The following STAB2 variants were observed in gnomAD, a reference collection of about 807,000 sequenced individuals.
The protein encoded by STAB2 is stabilin 2.
STAB2 carries 288 observed loss-of-function variants against 338.1 expected under a neutral mutation model. The ratio of observed to expected loss-of-function variants is 0.85; its 90% confidence interval spans 0.77 to 0.94. STAB2 has a LOEUF of 0.94. Ranked by LOEUF, STAB2 falls within the 40% of genes least tolerant of loss-of-function variation. The pLI, the probability that STAB2 is intolerant of heterozygous loss-of-function variation, is 0.00. For synonymous variants in STAB2, 1,202 were observed against 1,193.3 expected, an observed-to-expected ratio of 1.01 and a Z score of -0.15; for missense variants, 3,141 against 3,210.1, an observed-to-expected ratio of 0.98 and a Z score of 0.52.
rs762712746 is a variant in STAB2, at chr12:103,706,996, C to T, written c.4192+9C>T. The T allele has an allele frequency of 2.5e-5, 41 of 1,613,488 alleles. No individual in the cohort carries two copies. Among genetic ancestry groups the T allele is most frequent in the Admixed American group, 6.7e-5 (4 of 59,984 alleles). On this transcript the variant is annotated intron_variant, in intron 38 of 68. Transcript: ENST00000388887. The stretch of plus-strand genomic sequence containing the variant: ...CATCCACTGTGACCAAGGTGAGCAC[C>T]GTCCTCTCCACAGAGGATCTTGGGC...
At chr12:103,667,454 G>A (rs1015306808) in intron 19 of STAB2, among the ~76,000 whole-genome samples, 2 of 152,192 alleles carry the variant, frequency 1.3e-5, no homozygotes, top group Non-Finnish European at 2.9e-5. Flanking sequence ...CCTTGTACAA[G>A]GTCACACAGC....
chr12:103,692,587 C>T (rs1566019988), intron 30 of STAB2, among the ~76,000 whole-genome samples: 1 of 150,940 alleles, frequency 6.6e-6, no homozygotes, highest in African/African-American at 2.4e-5. Context: ...CTCTCTCTCT[C>T]TCTCTGTCTC....
chr12:103,645,762 C>G (rs1312827574), intron 9 of STAB2, among the ~76,000 whole-genome samples: 1 of 152,126 alleles, frequency 6.6e-6, no homozygotes, highest in African/African-American at 2.4e-5. Flanking sequence ...TCAGCCTCAG[C>G]TCTACTGACA....
rs143131786 is a variant in STAB2, at chr12:103,763,608, G to A, written c.7605G>A (p.Thr2535=). The A allele has an allele frequency of 9.5e-5, 153 of 1,613,134 alleles. 1 individual carries two copies. The highest frequency in any genetic ancestry group is 6.6e-4 in the Middle Eastern group (4 of 6,058). ...CAGAACCTTCCTACGACCCCTTCACGGTGAGTTTGCATTCTTATCTAGGAA... is the reference window on the plus strand; with the variant it reads ...CAGAACCTTCCTACGACCCCTTCACAGTGAGTTTGCATTCTTATCTAGGAA... ...APPEPSYDPF[T]DSEERQLEGN... is the part of the protein sequence containing the mutation. Residue 2535 remains threonine, a splice_region_variant and synonymous_variant, in exon 68 of 69, where the codon ACG becomes ACA. Coordinates refer to ENST00000388887, the MANE Select transcript of STAB2 (RefSeq NM_017564.10).
At chr12:103,607,270 C>A (rs550531087) in intron 3 of STAB2, among the ~76,000 whole-genome samples, 9 of 151,952 alleles carry the variant, frequency 5.9e-5, no homozygotes, top group Non-Finnish European at 1.0e-4. Flanking sequence ...TTTTCAGAGA[C>A]TCCAGTTATA....
At chr12:103,703,655 A>T (rs1229264018) in intron 35 of STAB2, among the ~76,000 whole-genome samples, 1 of 152,158 alleles carries the variant, frequency 6.6e-6, no homozygotes, top group Non-Finnish European at 1.5e-5. Flanking sequence ...TGGTGCCCCT[A>T]TGGCAGTTAT....
At chr12:103,758,689 A>G (rs1884313782) in intron 64 of STAB2, among the ~76,000 whole-genome samples, 1 of 152,210 alleles carries the variant, frequency 6.6e-6, no homozygotes, top group African/African-American at 2.4e-5. Flanking sequence ...TGGGGGGCAA[A>G]GGGCCAGGGG....
At chr12:103,744,188 G>A (rs1882811697) in intron 56 of STAB2, among the ~76,000 whole-genome samples, 1 of 152,006 alleles carries the variant, frequency 6.6e-6, no homozygotes, top group Non-Finnish European at 1.5e-5. Context: ...CTATCACCCA[G>A]GCTGAAATAC....
chr12:103,764,095 A>G (rs959831956), intron 68 of STAB2, among the ~76,000 whole-genome samples: 6 of 151,816 alleles, frequency 4.0e-5, no homozygotes, highest in African/African-American at 1.5e-4. Context: ...CTGGGATTAC[A>G]GGCGCATACC....
At chr12:103,687,625 A>G (rs1304742562) in intron 27 of STAB2, among the ~76,000 whole-genome samples, 1 of 152,148 alleles carries the variant, frequency 6.6e-6, no homozygotes, top group African/African-American at 2.4e-5. Flanking sequence ...TTTAAAAACA[A>G]CTCCTATTTC....
intron 14 of STAB2, 22 bp downstream of exon 14, chr12:103,655,329 C>G (rs755707072): frequency 6.2e-7 from 1 of 1,608,706 alleles, no homozygotes; most frequent in Admixed American, 1.7e-5. Flanking sequence ...TCATAATTTT[C>G]TGAAAAATAT....
intron 59 of STAB2, 90 bp downstream of exon 59, chr12:103,749,246 C>G (rs1883363790): frequency 7.5e-7 from 1 of 1,339,068 alleles, no homozygotes; most frequent in Non-Finnish European, 1.0e-6. Flanking sequence ...TGCTTATCTC[C>G]TGGACTCTTC....
At chr12:103,707,888 T>C (rs1879506238) in intron 38 of STAB2, among the ~76,000 whole-genome samples, 1 of 152,240 alleles carries the variant, frequency 6.6e-6, no homozygotes, top group Non-Finnish European at 1.5e-5. Flanking sequence ...TGCTTGCATT[T>C]GTGCATGAGT....
intron 52 of STAB2, among the ~76,000 whole-genome samples, chr12:103,735,811 T>A (rs1449027603): frequency 6.6e-6 from 1 of 152,180 alleles, no homozygotes; most frequent in Non-Finnish European, 1.5e-5. Context: ...GCAGGAAGCC[T>A]CTTACACTGT....
In STAB2 at chr12:103,763,475, C is replaced by G; in HGVS notation, c.7489-17C>G. The G allele has an allele frequency of 6.2e-7, 1 of 1,612,280 alleles. No individual in the cohort carries two copies. Among genetic ancestry groups the G allele is most frequent in the Non-Finnish European group, 8.5e-7 (1 of 1,178,638 alleles). ...TTTGGGGATGCTCCTGGCTTTCATG[C>G]TTGTCTTTCCAAACAGTCGGAAGAG... On this transcript the variant is annotated splice_polypyrimidine_tract_variant and intron_variant, in intron 67 of 68. Coordinates refer to ENST00000388887, the MANE Select transcript of STAB2 (RefSeq NM_017564.10).
At chr12:103,739,191 G>A (rs1882380423) in intron 53 of STAB2, among the ~76,000 whole-genome samples, 2 of 151,116 alleles carry the variant, frequency 1.3e-5, no homozygotes, top group South Asian at 2.1e-4. Flanking sequence ...TGCCTAGGCT[G>A]GTCTCAAACT....
intron 38 of STAB2, 144 bp from the exon 39 acceptor site, chr12:103,708,297 T>C: frequency 2.7e-6 from 2 of 739,584 alleles, no homozygotes; most frequent in Non-Finnish European, 2.3e-6. Flanking sequence ...CTGCCCTTTT[T>C]GTGATTCAAG....
rs1349462833 is a variant in STAB2, at chr12:103,587,486, C to A, written c.10C>A (p.Gln4Lys). 6.2e-7 allele frequency: 1 copy of A among 1,613,692 alleles called. No individual in the cohort carries two copies. The change falls in exon 1 of 69, where the codon CAA (glutamine) becomes AAA (lysine). Residue 4 changes from glutamine (Q) to lysine (K), a missense_variant. Transcript: ENST00000388887. ...GAGCAAATATTTCCTCATGATGCTA[C>A]AACATTTAGTAATTTTTTGTCTTGG... MMLQHLVIFCLGLV... is the reference protein window; with the variant it reads MMLKHLVIFCLGLV...
At chr12:103,657,121 AATG>A (rs1362958542) in intron 15 of STAB2, among the ~76,000 whole-genome samples, 3 of 152,040 alleles carry the variant, frequency 2.0e-5, no homozygotes, top group Admixed American at 1.3e-4. Context: ...TCCAAAATAG[AATG>A]ATATTTCAAA....
Sources: gnomAD v4.1 joint callset for allele counts (sites outside exome capture counted in the v4.1 genomes callset) on GRCh38, gnomAD v4.1.1 for gene constraint, MANE v1.5 for transcripts, NCBI Gene and HGNC (gene_info 2026-07-23, HGNC 2026-07-21) for gene names.